Variants in ADCY8 observed in about 807,000 individuals in gnomAD.
The protein encoded by ADCY8 is adenylate cyclase type 8.
Under a neutral mutation model 119.7 loss-of-function variants are expected in ADCY8, and 51 were observed. That is an observed-to-expected ratio of 0.43 (90% CI 0.34 to 0.54). The LOEUF is 0.54. Among genes scored for constraint, ADCY8 ranks in the 20% least tolerant of loss-of-function variants. The pLI is 0.03. For missense variants in ADCY8, 1,383 were observed against 1,598.8 expected (o/e 0.87, Z 2.30); for synonymous variants, 665 against 651.0 (o/e 1.02, Z -0.33).
At chr8:130,876,350 C>T (rs573965671) in intron 8 of ADCY8, among the ~76,000 whole-genome samples, 3 of 152,236 alleles carry the variant, frequency 2.0e-5, no homozygotes, top group South Asian at 4.1e-4. Context: ...CACTCCCGGC[C>T]GGGTTTGATT....
intron 15 of ADCY8, among the ~76,000 whole-genome samples, chr8:130,795,547 A>G (rs960642673): frequency 1.2e-4 from 18 of 152,128 alleles, no homozygotes; most frequent in Non-Finnish European, 2.2e-4. Context: ...AGATATTTAG[A>G]TGTAATTTCT....
At chr8:130,783,549 G>A in intron 17 of ADCY8, 142 bp downstream of exon 17, 1 of 587,962 alleles carries the variant, frequency 1.7e-6, no homozygotes, top group Non-Finnish European at 3.0e-6. Context: ...AGCTGACCTT[G>A]TCCCTATCCT....
At chr8:130,966,487 A>G (rs1023999231) in intron 2 of ADCY8, among the ~76,000 whole-genome samples, 4 of 152,224 alleles carry the variant, frequency 2.6e-5, no homozygotes, top group Non-Finnish European at 5.9e-5. Flanking sequence ...GCAGGAAATA[A>G]ATTGGTACAA....
chr8:130,951,920 G>C lies in ADCY8; in HGVS notation c.1189C>G (p.His397Asp). Residue 397 changes from histidine to aspartate, a missense_variant, in exon 3 of 18, where the codon CAC becomes GAC. Physicochemically the swap from His to Asp is moderately conservative, Grantham distance 81. Coordinates refer to ENST00000286355, the MANE Select transcript of ADCY8 (RefSeq NM_001115.3). The stretch of plus-strand genomic sequence containing the variant: ...ATCCGATGGAACTGGTGCTGCAGGT[G>C]CTCATCTTCCACATTGGTCATGTCG... ...INDMTNVEDE[H>D]LQHQFHRIYI... The C allele has an allele frequency of 1.2e-6, 2 of 1,614,038 alleles. No individual in the cohort carries two copies. Among genetic ancestry groups the C allele is most frequent in the South Asian group, 1.1e-5 (1 of 91,082 alleles).
chr8:130,876,050 A>T (rs1036791281), intron 8 of ADCY8, among the ~76,000 whole-genome samples: 7 of 151,820 alleles, frequency 4.6e-5, no homozygotes, highest in African/African-American at 1.7e-4. Context: ...TTTAATATGA[A>T]TTTGATCTTT....
intron 14 of ADCY8, 92 bp from the exon 15 acceptor site, chr8:130,800,664 GCA>G (rs1840558488): frequency 2.2e-6 from 3 of 1,371,366 alleles, no homozygotes; most frequent in South Asian, 1.3e-5. Context: ...GTACACACGT[GCA>G]CAGTCACCCA....
chr8:130,816,335 G>C (rs166404), intron 13 of ADCY8, among the ~76,000 whole-genome samples: 25,397 of 151,610 alleles, frequency 0.17, 2,707 homozygotes, highest in South Asian at 0.32. Context: ...GAGGAGAAAA[G>C]TGTATATAGT....
intron 1 of ADCY8, among the ~76,000 whole-genome samples, chr8:131,017,215 A>G (rs188583280): frequency 2.6e-5 from 4 of 152,182 alleles, no homozygotes; most frequent in Admixed American, 2.0e-4. Context: ...GACTACAGGC[A>G]TGTGCCACCA....
chr8:130,849,617 A>G lies in ADCY8; in HGVS notation c.2397T>C (p.Gly799=). Reference sequence around the variant, plus strand: ...GGATGCTTACGATATTTAAGATGGCACCCAGGAAATTAATCAAAATGGATG... The same window carrying G: ...GGATGCTTACGATATTTAAGATGGCGCCCAGGAAATTAATCAAAATGGATG... ...IFASILINFL[G]AILNILWCDF... is the part of the protein sequence containing the mutation. The change falls in exon 10 of 18, where the codon GGT becomes GGC. Residue 799 remains glycine, a synonymous_variant. Transcript: ENST00000286355. 5 of 1,613,962 alleles carry G rather than the reference A, an allele frequency of 3.1e-6. No homozygotes were observed. Among genetic ancestry groups the G allele is most frequent in the Non-Finnish European group, 4.2e-6 (5 of 1,179,882 alleles).
chr8:130,812,779 T>C (rs934058810), intron 14 of ADCY8, among the ~76,000 whole-genome samples: 1 of 152,190 alleles, frequency 6.6e-6, no homozygotes, highest in African/African-American at 2.4e-5. Flanking sequence ...AGAAGATATA[T>C]ACACACATAT....
intron 14 of ADCY8, among the ~76,000 whole-genome samples, chr8:130,803,223 C>A (rs1563670645): frequency 6.6e-6 from 1 of 152,194 alleles, no homozygotes; most frequent in Non-Finnish European, 1.5e-5. Flanking sequence ...CAGTTAGCTT[C>A]CTTTACCAGG....
At chr8:130,873,857 A>G (rs757707900) in intron 8 of ADCY8, among the ~76,000 whole-genome samples, 34 of 152,100 alleles carry the variant, frequency 2.2e-4, no homozygotes, top group Non-Finnish European at 3.5e-4. Context: ...ATTTTCTAGC[A>G]CATCTTTTAT....
chr8:131,021,527 G>T (rs1445018974), intron 1 of ADCY8, among the ~76,000 whole-genome samples: 3 of 152,138 alleles, frequency 2.0e-5, no homozygotes, highest in Non-Finnish European at 4.4e-5. Flanking sequence ...ATATGGTTTG[G>T]CTGTGTACCC....
chr8:130,943,533 C>T (rs1335614918), intron 3 of ADCY8, 71 bp from the exon 4 acceptor site: 6 of 869,412 alleles, frequency 6.9e-6, no homozygotes, highest in Middle Eastern at 2.9e-4. Context: ...TTGGGATACA[C>T]ATCAACACCA....
At chr8:131,036,952 G>A (rs927924178) in intron 1 of ADCY8, among the ~76,000 whole-genome samples, 1 of 152,152 alleles carries the variant, frequency 6.6e-6, no homozygotes, top group African/African-American at 2.4e-5. Flanking sequence ...GTGTTTAGCA[G>A]GTTTTGAGCA....
At chr8:130,963,012 G>A (rs562579027) in intron 2 of ADCY8, among the ~76,000 whole-genome samples, 6 of 152,094 alleles carry the variant, frequency 3.9e-5, no homozygotes, top group South Asian at 4.1e-4. Context: ...TCCATTATAC[G>A]TATGAAGATA....
chr8:130,788,176 G>T (rs984768613), intron 15 of ADCY8, among the ~76,000 whole-genome samples: 1 of 152,188 alleles, frequency 6.6e-6, no homozygotes, highest in Non-Finnish European at 1.5e-5. Flanking sequence ...ACACGGGAGT[G>T]CAGACATTCC....
intron 2 of ADCY8, among the ~76,000 whole-genome samples, chr8:130,961,375 G>A (rs995126255): frequency 1.7e-4 from 26 of 152,096 alleles, no homozygotes; most frequent in Admixed American, 7.2e-4. Flanking sequence ...CTCCCAAAGC[G>A]CTGGAATTAC....
chr8:130,981,025 T>C (rs959920955), intron 2 of ADCY8, among the ~76,000 whole-genome samples: 1 of 152,218 alleles, frequency 6.6e-6, no homozygotes, highest in African/African-American at 2.4e-5. Flanking sequence ...CAAGAGGCAG[T>C]AATGTTTGTT....
Sources: gnomAD v4.1 joint callset for allele counts (sites outside exome capture counted in the v4.1 genomes callset) on GRCh38, gnomAD v4.1.1 for gene constraint, MANE v1.5 for transcripts, NCBI Gene and HGNC (gene_info 2026-07-23, HGNC 2026-07-21) for gene names.